Variants in SNTB2 observed in about 807,000 individuals in gnomAD.
SNTB2 encodes the protein beta-2-syntrophin.
Under a neutral mutation model 46.2 loss-of-function variants are expected in SNTB2, and 34 were observed. That is an observed-to-expected ratio of 0.74 (90% CI 0.56 to 0.98). The LOEUF is 0.98. Ranked by LOEUF, SNTB2 falls within the 50% of genes least tolerant of loss-of-function variation. SNTB2 has a pLI of 0.00. For missense variants in SNTB2, 603 were observed against 731.4 expected, an observed-to-expected ratio of 0.82 and a Z score of 2.02; for synonymous variants, 290 against 312.6, an observed-to-expected ratio of 0.93 and a Z score of 0.76.
At chr16:69,189,063 C>T (rs1378051095) in intron 1 of SNTB2, among the ~76,000 whole-genome samples, 1 of 152,154 alleles carries the variant, frequency 6.6e-6, no homozygotes, top group Non-Finnish European at 1.5e-5. Flanking sequence ...AGAAGTCCAA[C>T]TTGGCACAAT....
chr16:69,246,574 A>G (rs1964671690), intron 2 of SNTB2, among the ~76,000 whole-genome samples: 1 of 146,662 alleles, frequency 6.8e-6, no homozygotes, highest in East Asian at 2.0e-4. Flanking sequence ...TGCTGGCCTC[A>G]TAAAATGAGT....
At chr16:69,223,041 C>T (rs961088711) in intron 1 of SNTB2, among the ~76,000 whole-genome samples, 3 of 152,020 alleles carry the variant, frequency 2.0e-5, no homozygotes, top group Non-Finnish European at 4.4e-5. Context: ...GCCTCGGCCT[C>T]CTGAAGTACT....
intron 1 of SNTB2, among the ~76,000 whole-genome samples, chr16:69,190,597 T>C (rs1022687185): frequency 2.6e-5 from 4 of 152,090 alleles, no homozygotes; most frequent in Non-Finnish European, 4.4e-5. Context: ...TCTATATAGG[T>C]CCATCATGGG....
chr16:69,289,725 C>CAGTCTGGGCA (rs1398849737), intron 5 of SNTB2, among the ~76,000 whole-genome samples: 1 of 152,124 alleles, frequency 6.6e-6, no homozygotes, highest in Non-Finnish European at 1.5e-5. Flanking sequence ...CACTTGAGCT[C>CAGTCTGGGCA]AGTCTGGGCA....
At chr16:69,299,392 C>T (rs1302070490) in intron 5 of SNTB2, among the ~76,000 whole-genome samples, 198 bp from the exon 6 acceptor site, 2 of 152,160 alleles carry the variant, frequency 1.3e-5, no homozygotes, top group African/African-American at 2.4e-5. Context: ...CCGCCTGCCT[C>T]GGCCTCCCAA....
intron 4 of SNTB2, among the ~76,000 whole-genome samples, chr16:69,281,018 C>G (rs1356150199): frequency 1.3e-5 from 2 of 152,078 alleles, no homozygotes; most frequent in Admixed American, 6.5e-5. Context: ...AGGATGGTCT[C>G]GATCTCCTGA....
intron 4 of SNTB2, among the ~76,000 whole-genome samples, chr16:69,279,416 C>CTGTTGTGG (rs1180791492): frequency 6.7e-6 from 1 of 149,636 alleles, no homozygotes; most frequent in Non-Finnish European, 1.5e-5. Context: ...CATCTCTTGG[C>CTGTTGTGG]TGTTGTGGTT....
intron 1 of SNTB2, among the ~76,000 whole-genome samples, chr16:69,228,368 T>C (rs961611865): frequency 3.3e-5 from 5 of 151,830 alleles, no homozygotes; most frequent in Non-Finnish European, 1.5e-5. Context: ...TAGCCAGGCA[T>C]GGTGGTGCAC....
chr16:69,280,390 C>A (rs1036589603), intron 4 of SNTB2, among the ~76,000 whole-genome samples: 1 of 152,162 alleles, frequency 6.6e-6, no homozygotes, highest in Non-Finnish European at 1.5e-5. Flanking sequence ...ACCTCCCAGA[C>A]GGGGTGGTTG....
chr16:69,253,258 G>C (rs542223961), intron 2 of SNTB2, among the ~76,000 whole-genome samples: 6 of 151,826 alleles, frequency 4.0e-5, no homozygotes, highest in African/African-American at 7.3e-5. Context: ...TAGACTCATC[G>C]GTCCTATTTT....
intron 1 of SNTB2, among the ~76,000 whole-genome samples, chr16:69,205,683 C>T (rs1964209564): frequency 6.6e-6 from 1 of 151,924 alleles, no homozygotes; most frequent in South Asian, 2.1e-4. Context: ...TTTCTCTTTC[C>T]TTCATTAGGC....
At chr16:69,284,348 C>G (rs543304421) in intron 5 of SNTB2, 104 bp downstream of exon 5, 175 of 841,634 alleles carry the variant, frequency 2.1e-4, no homozygotes, top group Non-Finnish European at 2.9e-4. Context: ...GCATACATGA[C>G]AGCAGTCCCC....
intron 4 of SNTB2, among the ~76,000 whole-genome samples, chr16:69,271,805 A>T (rs981752173): frequency 1.3e-5 from 2 of 152,216 alleles, no homozygotes; most frequent in Non-Finnish European, 2.9e-5. Flanking sequence ...TGAAGCAGAA[A>T]TTTACCACGT....
At chr16:69,189,741 C>T (rs879163674) in intron 1 of SNTB2, among the ~76,000 whole-genome samples, 1 of 152,196 alleles carries the variant, frequency 6.6e-6, no homozygotes, top group Admixed American at 6.5e-5. Flanking sequence ...CAGAGCAAGA[C>T]TCCATCTCAA....
intron 1 of SNTB2, among the ~76,000 whole-genome samples, chr16:69,192,529 A>G (rs1426375600): frequency 6.6e-6 from 1 of 152,228 alleles, no homozygotes; most frequent in East Asian, 1.9e-4. Flanking sequence ...GTTTATAAAC[A>G]GTATACTGTA....
chr16:69,202,604 C>T (rs755895089), intron 1 of SNTB2, among the ~76,000 whole-genome samples: 5 of 151,842 alleles, frequency 3.3e-5, no homozygotes, highest in African/African-American at 4.8e-5. Flanking sequence ...GAGACGACGT[C>T]TCGCTCTGTC....
intron 1 of SNTB2, among the ~76,000 whole-genome samples, chr16:69,216,523 TAA>T (rs113736779): frequency 8.6e-5 from 12 of 140,018 alleles, no homozygotes; most frequent in Admixed American, 7.2e-5. Flanking sequence ...CCTCTACAAT[TAA>T]AAAAAAAAAA....
chr16:69,212,193 G>T (rs956365556), intron 1 of SNTB2, among the ~76,000 whole-genome samples: 2 of 152,024 alleles, frequency 1.3e-5, no homozygotes, highest in African/African-American at 4.8e-5. Context: ...CACTAGCCAG[G>T]CAGGCTTATT....
intron 1 of SNTB2, among the ~76,000 whole-genome samples, chr16:69,232,767 C>T (rs1000654166): frequency 6.6e-6 from 1 of 152,046 alleles, no homozygotes; most frequent in Non-Finnish European, 1.5e-5. Flanking sequence ...ACCTCAGCCT[C>T]CCAAAGTACT....
Sources: allele counts gnomAD v4.1 joint callset (sites outside exome capture counted in the v4.1 genomes callset), GRCh38; gene constraint gnomAD v4.1.1; transcripts MANE v1.5; gene names NCBI Gene and HGNC (gene_info 2026-07-23, HGNC 2026-07-21).